The following REV1 variants were observed in gnomAD, a reference collection of about 807,000 sequenced individuals.
The protein encoded by REV1 is REV1 DNA directed polymerase, also known as translesion synthesis protein REV1.
Under a neutral mutation model 137.4 loss-of-function variants are expected in REV1, and 42 were observed. The observed-to-expected ratio is 0.31, with a 90% CI of 0.24 to 0.40. The LOEUF (loss-of-function observed/expected upper bound fraction) is 0.40, where lower values mean the gene tolerates loss of function less well. Ranked by LOEUF, REV1 falls within the 10% of genes least tolerant of loss-of-function variation. The probability of loss-of-function intolerance (pLI) is 1.00; values close to 1 mark genes in which losing one functional copy is unlikely to be tolerated. For synonymous variants in REV1, 524 were observed against 519.2 expected (o/e 1.01, Z -0.12); for missense variants, 1,282 against 1,490.1 (o/e 0.86, Z 2.30).
chr2:99,478,592 A>G lies in REV1; in HGVS notation c.-11+11225T>C, dbSNP rs540637360. Reference sequence around the variant, plus strand: ...TGTAGAAAAGTTCAAGGTTGCAATAAATCAGGGATTCCAAAGGCCACAGCA... The same window carrying G: ...TGTAGAAAAGTTCAAGGTTGCAATAGATCAGGGATTCCAAAGGCCACAGCA... On this transcript the variant is annotated intron_variant, in intron 1 of 22. Coordinates refer to ENST00000258428, the MANE Select transcript of REV1 (RefSeq NM_016316.4). Among the ~76,000 whole-genome samples the G allele has an allele frequency of 8.3e-4, 127 of 152,336 alleles. 1 individual carries two copies. Among genetic ancestry groups the G allele is most frequent in the Non-Finnish European group, 1.6e-3 (108 of 68,026 alleles).
chr2:99,401,141 A>AAATT lies in REV1; in HGVS notation c.*96_*99dup, dbSNP rs749720563. ...AAACACTTGCTTTAAAAGAAATTTAAAATTATAAAAACTCCGAGCATTACT... is the reference window on the plus strand; with the variant it reads ...AAACACTTGCTTTAAAAGAAATTTAAAATTAATTATAAAAACTCCGAGCATTACT... On this transcript the variant is annotated 3_prime_UTR_variant, in exon 23 of 23. Transcript: ENST00000258428. The AAATT allele has an allele frequency of 7.9e-6, 5 of 635,010 alleles. No homozygotes were observed. Among genetic ancestry groups the AAATT allele is most frequent in the Non-Finnish European group, 1.3e-5 (5 of 383,748 alleles). The allele number at this position is 635,010 out of a possible 1,614,324, so 39.3% of individuals were successfully genotyped here. A position where few individuals can be genotyped will look rare whatever the true frequency, so the allele number is the denominator to read the frequency against.
At position 99,412,164 on chromosome 2, in the gene REV1, C is replaced by T. The variant is rs141171993; in HGVS notation, c.2172+567G>A. On this transcript the variant is annotated intron_variant, in intron 13 of 22. Coordinates refer to ENST00000258428, the MANE Select transcript of REV1 (RefSeq NM_016316.4). The stretch of plus-strand genomic sequence containing the variant: ...AGGAGAATCTCTTGAATCTGGGAAA[C>T]GGAGGTTGCAGTGAGCCGAGACTGC... Among the ~76,000 whole-genome samples the T allele has an allele frequency of 3.8e-4, 54 of 143,432 alleles. No homozygotes were observed. The East Asian group carries it at 7.8e-3, about 21-fold the overall frequency. 94.1% of individuals were successfully genotyped at this position (143,432 alleles called of 152,430 possible).
rs1296830695 is a variant in REV1 at position 99,421,407 on chromosome 2, G to A, written c.1831+92C>T. On this transcript the variant is annotated intron_variant, in intron 11 of 22. Coordinates refer to ENST00000258428, the MANE Select transcript of REV1 (RefSeq NM_016316.4). ...CTAAAAACGGTTTTACAAGTGAGAG[G>A]AAGCTAATAAAAAGAAAAACTCCAT... 4.9e-6 allele frequency: 6 copies of A among 1,236,442 alleles called. No individual in the cohort carries two copies. The African/African-American group carries it at 6.1e-5, about 13-fold the overall frequency. The allele number at this position is 1,236,442 out of a possible 1,614,324, so 76.6% of individuals were successfully genotyped here.
At chr2:99,435,184 G>A (rs528346424) in intron 7 of REV1, among the ~76,000 whole-genome samples, 1 of 152,178 alleles carries the variant, frequency 6.6e-6, no homozygotes, top group East Asian at 1.9e-4. Context: ...ATAAAGTCCT[G>A]GTTTTAACAC....
intron 1 of REV1, among the ~76,000 whole-genome samples, chr2:99,489,155 G>A (rs1352925839): frequency 1.3e-5 from 2 of 152,214 alleles, no homozygotes; most frequent in Non-Finnish European, 2.9e-5. Flanking sequence ...GGGGCTCTCG[G>A]AAGGACAGTT....
chr2:99,466,726 G>A (rs1005276963), intron 1 of REV1, among the ~76,000 whole-genome samples: 11 of 152,288 alleles, frequency 7.2e-5, no homozygotes, highest in Non-Finnish European at 1.5e-4. Flanking sequence ...CGTTTTAGGG[G>A]CATGTGCAAG....
intron 12 of REV1, among the ~76,000 whole-genome samples, chr2:99,416,336 C>G (rs562054289): frequency 1.3e-5 from 2 of 152,342 alleles, no homozygotes; most frequent in South Asian, 4.1e-4. Context: ...ACAGAAGGTT[C>G]CCTCTCCTAT....
chr2:99,431,214 C>G (rs1388239985), intron 8 of REV1, among the ~76,000 whole-genome samples: 1 of 152,200 alleles, frequency 6.6e-6, no homozygotes, highest in Non-Finnish European at 1.5e-5. Flanking sequence ...ATATACACAG[C>G]ATAAATGCAA....
At chr2:99,456,322 G>A (rs1683535834) in intron 3 of REV1, among the ~76,000 whole-genome samples, 1 of 152,204 alleles carries the variant, frequency 6.6e-6, no homozygotes, top group African/African-American at 2.4e-5. Context: ...TCTGTGCCCC[G>A]TGATAGCACT....
chr2:99,428,991 CA>C (rs762850171), intron 9 of REV1, among the ~76,000 whole-genome samples: 3,884 of 63,846 alleles, frequency 0.061, 36 homozygotes, highest in African/African-American at 0.1. Context: ...GACTCCGTCT[CA>C]AAAAAAAAAA....
In REV1 at chr2:99,447,821, C is replaced by T. The variant is rs1451246; in HGVS notation, c.350+1515G>A. Reference sequence around the variant, plus strand: ...TGGAGCCTCCCATCTCCTGGGTTCACGCGATTCTCCTGCCTCAGCCTCCCA... The same window carrying T: ...TGGAGCCTCCCATCTCCTGGGTTCATGCGATTCTCCTGCCTCAGCCTCCCA... On this transcript the variant is annotated intron_variant, in intron 4 of 22. Transcript: ENST00000258428. Among the ~76,000 whole-genome samples, 1,076 of 151,068 alleles carry T rather than the reference C, an allele frequency of 7.1e-3. 7 individuals are homozygous for T. Among genetic ancestry groups the T allele is most frequent in the Non-Finnish European group, 0.011 (777 of 67,674 alleles).
intron 10 of REV1, among the ~76,000 whole-genome samples, chr2:99,422,019 T>C (rs1163643402): frequency 2.0e-5 from 3 of 152,204 alleles, no homozygotes; most frequent in South Asian, 2.1e-4. Context: ...GTGGGTGAAT[T>C]TGAACTGTCA....
chr2:99,489,414 C>A (rs1179153907), intron 1 of REV1, among the ~76,000 whole-genome samples: 1 of 151,910 alleles, frequency 6.6e-6, no homozygotes, highest in Non-Finnish European at 1.5e-5. Flanking sequence ...GAATGGCCGG[C>A]CGAGGCGCCG....
At chr2:99,409,853 ACC>A (rs36096966) in intron 14 of REV1, among the ~76,000 whole-genome samples, 30,078 of 78,902 alleles carry the variant, frequency 0.38, 4,582 homozygotes, top group Middle Eastern at 0.54. Flanking sequence ...AAAACAAACA[ACC>A]CCCCCCCCCC....
chr2:99,437,825 A>AAGC (rs1316919188), intron 6 of REV1, among the ~76,000 whole-genome samples: 3 of 152,136 alleles, frequency 2.0e-5, no homozygotes, highest in Non-Finnish European at 2.9e-5. Flanking sequence ...TTTTGACTAA[A>AAGC]AGCACATAGG....
At chr2:99,472,219 C>T (rs1381360438) in intron 1 of REV1, among the ~76,000 whole-genome samples, 1 of 152,192 alleles carries the variant, frequency 6.6e-6, no homozygotes, top group Non-Finnish European at 1.5e-5. Context: ...AAATACTATT[C>T]AGCCTTAAAA....
In REV1 at chr2:99,408,941, T is replaced by G. The variant is rs191227793; in HGVS notation, c.2346-810A>C. On this transcript the variant is annotated intron_variant, in intron 14 of 22. Transcript: ENST00000258428. Reference sequence around the variant, plus strand: ...AAAATTATTATAAATTGAATTGGATTTTCCCATAGAAATGTTTAAGAAGAT... The same window carrying G: ...AAAATTATTATAAATTGAATTGGATGTTCCCATAGAAATGTTTAAGAAGAT... Among the ~76,000 whole-genome samples the G allele has an allele frequency of 3.0e-3, 463 of 152,342 alleles. 2 individuals carry two copies. The highest frequency in any genetic ancestry group is 0.014 in the Middle Eastern group (4 of 294).
At chr2:99,464,800 C>T (rs901079035) in intron 2 of REV1, 122 bp downstream of exon 2, 1 of 900,762 alleles carries the variant, frequency 1.1e-6, no homozygotes, top group Admixed American at 2.0e-5. Context: ...ACTGTGAAAA[C>T]TCAAAGATGT....
At chr2:99,480,196 G>A (rs982332713) in intron 1 of REV1, among the ~76,000 whole-genome samples, 1 of 152,112 alleles carries the variant, frequency 6.6e-6, no homozygotes, top group Non-Finnish European at 1.5e-5. Context: ...GGTGGTGCAC[G>A]CCCATGGCCA....
Sources: allele counts gnomAD v4.1 joint callset (sites outside exome capture counted in the v4.1 genomes callset), GRCh38; gene constraint gnomAD v4.1.1; transcripts MANE v1.5; gene names NCBI Gene and HGNC (gene_info 2026-07-23, HGNC 2026-07-21).